TAB2: variants seen among roughly 807,000 people sequenced by gnomAD.
TAB2 encodes the protein TGF-beta activated kinase 1 (MAP3K7) binding protein 2, also known as TGF-beta-activated kinase 1 and MAP3K7-binding protein 2.
TAB2 carries 3 observed loss-of-function variants against 65.0 expected under a neutral mutation model. That is an observed-to-expected ratio of 0.05 (90% CI 0.02 to 0.12). TAB2 has a LOEUF of 0.12. Ranked by LOEUF, TAB2 falls within the 10% of genes least tolerant of loss-of-function variation. The pLI is 1.00. For missense variants in TAB2, 623 were observed against 840.3 expected (o/e 0.74, Z 3.20); for synonymous variants, 298 against 285.1 (o/e 1.05, Z -0.46).
intron 3 of TAB2, among the ~76,000 whole-genome samples, chr6:149,395,506 T>G (rs1330606915): frequency 6.6e-6 from 1 of 152,256 alleles, no homozygotes; most frequent in African/African-American, 2.4e-5. Context: ...CCCTAAATAC[T>G]GAACATGTAT....
chr6:149,230,767 T>C (rs1311266140), intron 1 of TAB2, among the ~76,000 whole-genome samples: 5 of 152,240 alleles, frequency 3.3e-5, no homozygotes, highest in Non-Finnish European at 7.3e-5. Flanking sequence ...TGAGCTGTCA[T>C]GAACTAGAAG....
At chr6:149,380,527 T>A (rs1167828825) in intron 3 of TAB2, among the ~76,000 whole-genome samples, 2 of 152,224 alleles carry the variant, frequency 1.3e-5, no homozygotes, top group Non-Finnish European at 2.9e-5. Context: ...AATAGAGAAA[T>A]TTCTGTCATA....
chr6:149,380,760 G>A (rs1781580538), intron 3 of TAB2, among the ~76,000 whole-genome samples: 2 of 152,270 alleles, frequency 1.3e-5, no homozygotes, highest in East Asian at 1.9e-4. Flanking sequence ...TCACCCTCAG[G>A]CAGCATGCAG....
Position 149,282,336 on chromosome 6 carries a change from C to G in TAB2, c.-121+63560C>G, listed in dbSNP as rs928827118. 5.9e-5 allele frequency among the ~76,000 whole-genome samples: 9 copies of G among 152,090 alleles called. No homozygotes were observed. In the South Asian group the frequency reaches 1.9e-3, roughly 32 times the overall value. Reference sequence around the variant, plus strand: ...CATTATAATTGAAGAATTTAACAATCCCTCTCAATAATTAACAGAACAAAT... The same window carrying G: ...CATTATAATTGAAGAATTTAACAATGCCTCTCAATAATTAACAGAACAAAT... On this transcript the variant is annotated intron_variant, in intron 1 of 1. Coordinates refer to the TAB2 transcript ENST00000606202.
intron 3 of TAB2, 31 bp from the exon 4 acceptor site, chr6:149,397,573 G>T: frequency 6.2e-7 from 1 of 1,612,782 alleles, no homozygotes; most frequent in Non-Finnish European, 8.5e-7. Flanking sequence ...TAAAGTGGGT[G>T]GGTCCTCATG....
chr6:149,382,257 A>G (rs1380300483), intron 3 of TAB2, among the ~76,000 whole-genome samples: 2 of 152,166 alleles, frequency 1.3e-5, no homozygotes, highest in African/African-American at 2.4e-5. Flanking sequence ...AACATTGAAG[A>G]ACAGATAGAT....
At chr6:149,381,892 A>G (rs1214417622) in intron 3 of TAB2, among the ~76,000 whole-genome samples, 2 of 151,866 alleles carry the variant, frequency 1.3e-5, no homozygotes, top group African/African-American at 4.8e-5. Flanking sequence ...TACTTCCCCC[A>G]TCATCACTAC....
intron 3 of TAB2, among the ~76,000 whole-genome samples, chr6:149,391,545 T>TCAGGGA (rs1411320683): frequency 6.6e-6 from 1 of 152,068 alleles, no homozygotes; most frequent in Non-Finnish European, 1.5e-5. Context: ...CTTGGGGGTA[T>TCAGGGA]CAGGGACAGG....
At chr6:149,390,368 A>G (rs113787878) in intron 3 of TAB2, among the ~76,000 whole-genome samples, 1 of 152,196 alleles carries the variant, frequency 6.6e-6, no homozygotes, top group Non-Finnish European at 1.5e-5. Context: ...TTTTCATTTA[A>G]AGAAGCCTAA....
chr6:149,284,261 C>G (rs904146807), intron 1 of TAB2, among the ~76,000 whole-genome samples: 1 of 152,132 alleles, frequency 6.6e-6, no homozygotes, highest in Non-Finnish European at 1.5e-5. Flanking sequence ...GTGCCTCTTG[C>G]CAACCTCTAC....
At chr6:149,365,368 T>C (rs1474755546) in intron 1 of TAB2, among the ~76,000 whole-genome samples, 2 of 152,254 alleles carry the variant, frequency 1.3e-5, no homozygotes, top group Non-Finnish European at 2.9e-5. Flanking sequence ...CAAATAGTTA[T>C]ATTGCTTTCA....
In TAB2 at chr6:149,326,986, T is replaced by C. The variant is rs570515689; in HGVS notation, c.-90+8971T>C. Among the ~76,000 whole-genome samples the C allele has an allele frequency of 2.0e-5, 3 of 152,346 alleles. No homozygotes were observed. In the East Asian group the frequency reaches 5.8e-4, roughly 29 times the overall value. Reference sequence around the variant, plus strand: ...TAATAATTAGGTCAGCAAATTAATTTTGCTTTTTTGTAGTTTGCAAGAGTT... The same window carrying C: ...TAATAATTAGGTCAGCAAATTAATTCTGCTTTTTTGTAGTTTGCAAGAGTT... On this transcript the variant is annotated intron_variant, in intron 1 of 6. Coordinates refer to ENST00000637181, the MANE Select transcript of TAB2 (RefSeq NM_001292034.3).
intron 1 of TAB2, among the ~76,000 whole-genome samples, chr6:149,242,314 G>A (rs1182542471): frequency 7.2e-5 from 11 of 152,164 alleles, no homozygotes; most frequent in Admixed American, 7.2e-4. Flanking sequence ...CTTAAGGTTT[G>A]AAATAACTCA....
At chr6:149,371,377 C>A (rs941176048) in intron 2 of TAB2, among the ~76,000 whole-genome samples, 1 of 152,128 alleles carries the variant, frequency 6.6e-6, no homozygotes. Flanking sequence ...CTAGGGCATA[C>A]AAGGTCTGTG....
chr6:149,319,016 A>T (rs1386406880), intron 1 of TAB2, among the ~76,000 whole-genome samples: 1 of 152,216 alleles, frequency 6.6e-6, no homozygotes, highest in South Asian at 2.1e-4. Flanking sequence ...TTCATTGGAA[A>T]GTTCTTGAAC....
In TAB2 at chr6:149,281,555, C is replaced by CAAAAAAAAAAAAAAA. The variant is rs59196897; in HGVS notation, c.-121+62791_-121+62805dup. Reference sequence around the variant, plus strand: ...TGAACAACACAGCAAGATGCCATCTCAAAAAAAAAAAAAAAAAAAAAAAAA... The same window carrying CAAAAAAAAAAAAAAA: ...TGAACAACACAGCAAGATGCCATCTCAAAAAAAAAAAAAAAAAAAAAAAAAAAAAAAAAAAAAAAA... On this transcript the variant is annotated intron_variant, in intron 1 of 1. Transcript: ENST00000606202. Among the ~76,000 whole-genome samples the CAAAAAAAAAAAAAAA allele has an allele frequency of 5.4e-4, 38 of 70,334 alleles. 12 individuals are homozygous for CAAAAAAAAAAAAAAA. Among genetic ancestry groups the CAAAAAAAAAAAAAAA allele is most frequent in the African/African-American group, 1.8e-3 (35 of 19,640 alleles). The allele number at this position is 70,334 out of a possible 152,430, so 46.1% of individuals were successfully genotyped here. A position where few individuals can be genotyped will look rare whatever the true frequency, so the allele number is the denominator to read the frequency against.
At chr6:149,349,370 A>T (rs1006876770) in intron 1 of TAB2, among the ~76,000 whole-genome samples, 1 of 150,544 alleles carries the variant, frequency 6.6e-6, no homozygotes, top group African/African-American at 2.4e-5. Flanking sequence ...CAATGAGCCG[A>T]GATCACTCCA....
At chr6:149,289,541 G>A (rs564947739) in intron 1 of TAB2, among the ~76,000 whole-genome samples, 2 of 152,312 alleles carry the variant, frequency 1.3e-5, no homozygotes, top group Admixed American at 1.3e-4. Context: ...CAGCCACGTG[G>A]AGAATCACAG....
At chr6:149,275,175 G>A (rs1190043047) in intron 1 of TAB2, among the ~76,000 whole-genome samples, 1 of 128,074 alleles carries the variant, frequency 7.8e-6, no homozygotes, top group Non-Finnish European at 1.6e-5. Flanking sequence ...GCCCAGACTA[G>A]AGTGCAGTGG....
Sources: allele counts gnomAD v4.1 joint callset (sites outside exome capture counted in the v4.1 genomes callset), GRCh38; gene constraint gnomAD v4.1.1; transcripts MANE v1.5; gene names NCBI Gene and HGNC (gene_info 2026-07-23, HGNC 2026-07-21).